The following DNER variants were observed in gnomAD, a reference collection of about 807,000 sequenced individuals.
The protein encoded by DNER is delta/notch like EGF repeat containing.
Under a neutral mutation model 78.2 loss-of-function variants are expected in DNER, and 33 were observed. The ratio of observed to expected loss-of-function variants is 0.42; its 90% CI spans 0.32 to 0.56. DNER has a LOEUF of 0.56. DNER is among the 20% of genes least tolerant of loss of function. The pLI is 0.11. For missense variants in DNER, 918 were observed against 975.3 expected, an observed-to-expected ratio of 0.94 and a Z score of 0.78; for synonymous variants, 417 against 384.8, an observed-to-expected ratio of 1.08 and a Z score of -0.98.
At chr2:229,555,873 A>C (rs2154213477) in intron 4 of DNER, among the ~76,000 whole-genome samples, 2 of 152,314 alleles carry the variant, frequency 1.3e-5, no homozygotes, top group Non-Finnish European at 2.9e-5. Context: ...ACCAGTTCTT[A>C]TTCCAAGTAA....
intron 11 of DNER, among the ~76,000 whole-genome samples, chr2:229,376,703 A>G (rs540370583): frequency 6.6e-6 from 1 of 152,336 alleles, no homozygotes; most frequent in Admixed American, 6.5e-5. Context: ...GAGTGTGTAT[A>G]AAACTCTCAT....
At chr2:229,438,814 C>T (rs1431731514) in intron 8 of DNER, among the ~76,000 whole-genome samples, 1 of 152,214 alleles carries the variant, frequency 6.6e-6, no homozygotes, top group East Asian at 1.9e-4. Context: ...ACTATGCAAT[C>T]TATGCGTATA....
intron 4 of DNER, among the ~76,000 whole-genome samples, chr2:229,554,664 G>A (rs1020625296): frequency 2.6e-5 from 4 of 151,986 alleles, no homozygotes; most frequent in African/African-American, 7.3e-5. Flanking sequence ...ATTCCAGCCT[G>A]GGTGACGGAG....
At chr2:229,592,625 T>A (rs1458223633) in intron 1 of DNER, among the ~76,000 whole-genome samples, 4 of 152,192 alleles carry the variant, frequency 2.6e-5, no homozygotes. Flanking sequence ...GGGGAAAGTG[T>A]TTATCTCAGA....
At chr2:229,468,774 A>G (rs1205449630) in intron 7 of DNER, among the ~76,000 whole-genome samples, 2 of 152,172 alleles carry the variant, frequency 1.3e-5, no homozygotes, top group Admixed American at 6.5e-5. Context: ...GGGTGAACCC[A>G]TTAGGTAGTT....
At chr2:229,677,940 C>T (rs1260255486) in intron 1 of DNER, among the ~76,000 whole-genome samples, 2 of 152,154 alleles carry the variant, frequency 1.3e-5, no homozygotes, top group African/African-American at 4.8e-5. Flanking sequence ...CTTTATTTAA[C>T]TGATGGTCAT....
chr2:229,679,318 G>A (rs181844928), intron 1 of DNER, among the ~76,000 whole-genome samples: 18 of 152,108 alleles, frequency 1.2e-4, no homozygotes, highest in Non-Finnish European at 2.2e-4. Flanking sequence ...AAGCAAAAAG[G>A]TATGTAAGGA....
At chr2:229,571,474 C>T (rs966252925) in intron 4 of DNER, among the ~76,000 whole-genome samples, 5 of 152,000 alleles carry the variant, frequency 3.3e-5, no homozygotes, top group Non-Finnish European at 7.4e-5. Flanking sequence ...TCAACACTCG[C>T]GTTTACCCAG....
At chr2:229,599,105 G>A (rs1477912823) in intron 1 of DNER, among the ~76,000 whole-genome samples, 1 of 152,044 alleles carries the variant, frequency 6.6e-6, no homozygotes, top group Admixed American at 6.5e-5. Context: ...AGTGGGTGGG[G>A]AACCACTGTC....
intron 5 of DNER, among the ~76,000 whole-genome samples, chr2:229,513,269 T>C (rs1372978077): frequency 1.3e-5 from 2 of 152,204 alleles, no homozygotes; most frequent in African/African-American, 4.8e-5. Flanking sequence ...AGCAGATAGT[T>C]TAATGCTACA....
At chr2:229,649,810 C>T (rs1574943133) in intron 1 of DNER, among the ~76,000 whole-genome samples, 2 of 152,174 alleles carry the variant, frequency 1.3e-5, no homozygotes, top group East Asian at 3.8e-4. Flanking sequence ...TGCGGTGGCT[C>T]ACGCCTGTAA....
rs533131385 is a variant in DNER, at chr2:229,505,629, T to C, written c.1147+7154A>G. Among the ~76,000 whole-genome samples the C allele has an allele frequency of 2.7e-3, 415 of 152,304 alleles. 4 individuals are homozygous for C. The highest frequency in any genetic ancestry group is 9.7e-3 in the African/African-American group (402 of 41,556). On this transcript the variant is annotated intron_variant, in intron 6 of 12. Coordinates refer to ENST00000341772, the MANE Select transcript of DNER (RefSeq NM_139072.4). The stretch of plus-strand genomic sequence containing the variant: ...GAAATGAATTATTTTAAATTGCTAC[T>C]ATGGTTCTACGGCTGCCTTAAATTA...
At chr2:229,688,828 A>G (rs1170149701) in intron 1 of DNER, among the ~76,000 whole-genome samples, 3 of 152,176 alleles carry the variant, frequency 2.0e-5, no homozygotes, top group Admixed American at 2.0e-4. Context: ...AAGGAATGAG[A>G]TCATGTCATT....
intron 11 of DNER, among the ~76,000 whole-genome samples, chr2:229,375,077 C>G (rs1692568489): frequency 1.3e-5 from 2 of 152,188 alleles, no homozygotes; most frequent in African/African-American, 4.8e-5. Flanking sequence ...AACTACCTAT[C>G]TGTATAATGC....
chr2:229,693,032 T>A (rs1574568777), intron 1 of DNER, among the ~76,000 whole-genome samples: 1 of 152,020 alleles, frequency 6.6e-6, no homozygotes. Context: ...GGTTTGGTTG[T>A]GTCCCCACCC....
chr2:229,493,075 G>A (rs1695435993), intron 6 of DNER, among the ~76,000 whole-genome samples: 1 of 152,166 alleles, frequency 6.6e-6, no homozygotes, highest in East Asian at 1.9e-4. Context: ...ATCGGGATTT[G>A]TCTCCAGCAG....
intron 11 of DNER, among the ~76,000 whole-genome samples, chr2:229,376,378 C>G (rs1168795110): frequency 2.0e-5 from 3 of 152,162 alleles, no homozygotes; most frequent in Non-Finnish European, 4.4e-5. Context: ...TCGTCAGACA[C>G]TGGATCTGCC....
rs190604989 is a variant in DNER, at chr2:229,580,439, T to A, written c.847+5419A>T. 37 of 152,254 alleles carry A rather than the reference T, an allele frequency of 2.4e-4. 1 individual carries two copies. The East Asian group carries it at 6.6e-3, about 27-fold the overall frequency. The allele number at this position is 152,254 out of a possible 1,614,324, so 9.4% of individuals were successfully genotyped here. A position where few individuals can be genotyped will look rare whatever the true frequency, so the allele number is the denominator to read the frequency against. ...ATGCACTTATGTTATAAGTTAGACATTTTAATAAATGTACTGAAACTGTAA... is the reference window on the plus strand; with the variant it reads ...ATGCACTTATGTTATAAGTTAGACAATTTAATAAATGTACTGAAACTGTAA... On this transcript the variant is annotated intron_variant, in intron 4 of 12. Transcript: ENST00000341772.
chr2:229,390,795 C>G (rs1357863339), intron 10 of DNER, among the ~76,000 whole-genome samples: 1 of 152,236 alleles, frequency 6.6e-6, no homozygotes, highest in African/African-American at 2.4e-5. Flanking sequence ...CATATGTGCT[C>G]TGGCAGAACC....
Sources: allele counts gnomAD v4.1 joint callset (sites outside exome capture counted in the v4.1 genomes callset), GRCh38; gene constraint gnomAD v4.1.1; transcripts MANE v1.5; gene names NCBI Gene and HGNC (gene_info 2026-07-23, HGNC 2026-07-21).